Variants in MYO15A observed in about 807,000 individuals in gnomAD.
MYO15A encodes myosin XVA, also known as unconventional myosin-XV.
Under a neutral mutation model 394.6 loss-of-function variants are expected in MYO15A, and 308 were observed. That is an observed-to-expected ratio of 0.78 (90% CI 0.71 to 0.86). The LOEUF (loss-of-function observed/expected upper bound fraction) is 0.86. Among genes scored for constraint, MYO15A ranks in the 40% least tolerant of loss-of-function variants. MYO15A has a pLI of 0.00. For synonymous variants in MYO15A, 1,957 were observed against 2,003.8 expected, an observed-to-expected ratio of 0.98 and a Z score of 0.62; for missense variants, 4,606 against 4,799.1, an observed-to-expected ratio of 0.96 and a Z score of 1.19.
In MYO15A at chr17:18,149,482, C is replaced by G. The variant is rs572748657; in HGVS notation, c.7118-4C>G. 3.1e-6 allele frequency: 5 copies of G among 1,614,160 alleles called. No individual in the cohort carries two copies. The East Asian group carries it at 1.1e-4, about 36-fold the overall frequency. ...ACTTGACATTTTTGTGCCTTCCCCT[C>G]CAGAGTCAGACAGTCTTGGAGAGCC... is the stretch of plus-strand genomic sequence containing the variant. On this transcript the variant is annotated splice_polypyrimidine_tract_variant and splice_region_variant and intron_variant, in intron 34 of 65. Transcript: ENST00000647165.
chr17:18,136,604 G>A lies in MYO15A; in HGVS notation c.4697G>A (p.Trp1566Ter), dbSNP rs749653592. 6.2e-7 allele frequency: 1 copy of A among 1,613,976 alleles called. No homozygotes were observed. Among genetic ancestry groups the A allele is most frequent in the Admixed American group, 1.7e-5 (1 of 60,032 alleles). ...GTCTTGTATGCACTGCTGTTCAGCT[G>A]GCTCATCACCAGGGTCAACGCGCTG... ...AKVLYALLFSWLITRVNALVS... is the reference protein window; with the variant it reads ...AKVLYALLFS The change falls in exon 15 of 66, where the codon TGG (tryptophan) becomes TAG (stop). Residue 1566 changes from tryptophan (W) to a stop codon, truncating the protein, a stop_gained. Transcript: ENST00000647165. LOFTEE classifies it high-confidence loss of function.
In MYO15A at chr17:18,150,036, G is replaced by A. The variant is rs1391777532; in HGVS notation, c.7213-393G>A. The stretch of plus-strand genomic sequence containing the variant: ...CGGGGCCACTAAAATATCTCTATCT[G>A]GATGGAGTTGAATGACCTTGGTCCC... On this transcript the variant is annotated intron_variant, in intron 35 of 65. Coordinates refer to ENST00000647165, the MANE Select transcript of MYO15A (RefSeq NM_016239.4). This position sits in a 1 kb window ranked among gnomAD's most constrained non-coding sequence, Gnocchi z 4.4. 3.0e-6 allele frequency: 1 copy of A among 333,776 alleles called. No homozygotes were observed. The highest frequency in any genetic ancestry group is 2.1e-5 in the African/African-American group (1 of 47,168). The allele number at this position is 333,776 out of a possible 1,614,324, so 20.7% of individuals were successfully genotyped here.
intron 1 of MYO15A, among the ~76,000 whole-genome samples, chr17:18,118,220 C>T (rs2045818687): frequency 6.6e-6 from 1 of 152,200 alleles, no homozygotes. Flanking sequence ...ACCTGCTCTG[C>T]CCATTCCCCT....
In MYO15A at chr17:18,147,753, C is replaced by A. The variant is rs1294913080; in HGVS notation, c.6510-276C>A. ...CTGGCCTGAGATACTTCTGGACTAG[C>A]CTGGGACCCTTTCAGTTTAGCCGTG... On this transcript the variant is annotated intron_variant, in intron 30 of 65. Coordinates refer to ENST00000647165, the MANE Select transcript of MYO15A (RefSeq NM_016239.4). This position sits in a 1 kb window ranked among gnomAD's most constrained non-coding sequence, Gnocchi z 4.4. Among the ~76,000 whole-genome samples the A allele has an allele frequency of 6.6e-6, 1 of 152,136 alleles. No homozygotes were observed. Among genetic ancestry groups the A allele is most frequent in the Non-Finnish European group, 1.5e-5 (1 of 68,032 alleles).
At chr17:18,111,354 A>C (rs150597077) in intron 1 of MYO15A, among the ~76,000 whole-genome samples, 13 of 55,586 alleles carry the variant, frequency 2.3e-4, no homozygotes, top group African/African-American at 8.2e-4. Context: ...AAAAAAAAAA[A>C]AAAAAAAAAA....
In MYO15A at chr17:18,140,957, G is replaced by A. The variant is rs528887939; in HGVS notation, c.5407-62G>A. The A allele has an allele frequency of 5.2e-4, 834 of 1,612,844 alleles. 7 individuals are homozygous for A. In the African/African-American group the frequency reaches 9.5e-3, roughly 18 times the overall value. On this transcript the variant is annotated intron_variant, in intron 21 of 65. Transcript: ENST00000647165. ...GCCTAGCACTGGGAATATTCACCAT[G>A]ATAATGCCTTTTGCACATGGCTGAG...
In MYO15A at chr17:18,150,871, G is replaced by A. The variant is rs876657527; in HGVS notation, c.7431G>A (p.Gln2477=). The change falls in exon 38 of 66, where the codon CAG becomes CAA. Residue 2477 remains glutamine, a synonymous_variant. Coordinates refer to ENST00000647165, the MANE Select transcript of MYO15A (RefSeq NM_016239.4). This position sits in a 1 kb window ranked among gnomAD's most constrained non-coding sequence, Gnocchi z 4.4. ...TGACCCTGCAGGCCACGGCACTCCA[G>A]CAGCAGCCCCTGAGTGCTGCCCTGA... ...REMTLQATAL[Q]QQPLSAALRS... is the part of the protein sequence containing the mutation. 6.3e-7 allele frequency: 1 copy of A among 1,598,268 alleles called. No individual in the cohort carries two copies. The highest frequency in any genetic ancestry group is 1.1e-5 in the South Asian group (1 of 89,054).
chr17:18,125,090 C>T, intron 3 of MYO15A, 78 bp from the exon 4 acceptor site: 1 of 1,358,804 alleles, frequency 7.4e-7, no homozygotes, highest in Non-Finnish European at 1.1e-6. Context: ...GATCAAGGCA[C>T]TGCACTGAGT....
chr17:18,143,955 C>A lies in MYO15A; in HGVS notation c.6132C>A (p.Asp2044Glu). The A allele has an allele frequency of 6.2e-7, 1 of 1,613,008 alleles. No homozygotes were observed. ...QAEPRVTLPL[D>E]INNYPMAKFV... ...AGCCCCGTGTCACACTGCCCCTGGACATCAACAACTATCCTATGGCCAAGT... is the reference window on the plus strand; with the variant it reads ...AGCCCCGTGTCACACTGCCCCTGGAAATCAACAACTATCCTATGGCCAAGT... Residue 2044 changes from aspartate to glutamate, a missense_variant, in exon 28 of 66, where the codon GAC (aspartate) becomes GAA (glutamate). By Grantham distance (45) the Asp-to-Glu change is conservative. Transcript: ENST00000647165.
chr17:18,159,371 G>C (rs1166002426), intron 54 of MYO15A, 24 bp downstream of exon 54: 1 of 1,613,314 alleles, frequency 6.2e-7, no homozygotes, highest in East Asian at 2.2e-5. Flanking sequence ...ACTGCAGCCA[G>C]GGCTCTGGGC....
In MYO15A at chr17:18,157,323, G is replaced by A. The variant is rs117303966; in HGVS notation, c.8788+93G>A. ...GCACAGTGAGGGTTTCTTGGTGCCC[G>A]AAAGTGGCCTGGGCTGGTCAGGTCT... On this transcript the variant is annotated intron_variant, in intron 50 of 65. Coordinates refer to ENST00000647165, the MANE Select transcript of MYO15A (RefSeq NM_016239.4). The A allele has an allele frequency of 6.6e-4, 995 of 1,515,156 alleles. 14 individuals carry two copies. The East Asian group carries it at 0.023, about 36-fold the overall frequency. 93.9% of individuals were successfully genotyped at this position (1,515,156 alleles called of 1,614,324 possible). A position where few individuals can be genotyped will look rare whatever the true frequency, so the allele number is the denominator to read the frequency against.
intron 54 of MYO15A, 97 bp downstream of exon 54, chr17:18,159,444 T>C: frequency 1.3e-6 from 2 of 1,513,440 alleles, no homozygotes; most frequent in Non-Finnish European, 1.8e-6. Flanking sequence ...CTTCAGATTC[T>C]TTCCCTCCCG....
Position 18,162,663 on chromosome 17 carries a change from A to G in MYO15A, c.9596A>G (p.Glu3199Gly). Reference protein sequence around the residue: ...GGRLELPSSIELRAMLAGRSS... With the variant: ...GGRLELPSSIGLRAMLAGRSS... ...CGTCTGGAGCTCCCCAGCAGCATAGAGCTTCGGGCCATGTTGGTGAGCATA... is the reference window on the plus strand; with the variant it reads ...CGTCTGGAGCTCCCCAGCAGCATAGGGCTTCGGGCCATGTTGGTGAGCATA... The change falls in exon 58 of 66, where the codon GAG (glutamate) becomes GGG (glycine). Residue 3199 changes from glutamate (E) to glycine (G), a missense_variant. Glu to Gly is a moderately conservative substitution (Grantham distance 98). This residue lies in a region of MYO15A where 2,776 missense variants were observed against 3,109.3 expected (regional missense o/e 0.89). Coordinates refer to ENST00000647165, the MANE Select transcript of MYO15A (RefSeq NM_016239.4). 6.2e-7 allele frequency: 1 copy of G among 1,613,986 alleles called. No individual in the cohort carries two copies. The highest frequency in any genetic ancestry group is 1.6e-4 in the Middle Eastern group (1 of 6,062).
intron 51 of MYO15A, chr17:18,158,283 G>C: frequency 1.7e-6 from 1 of 594,240 alleles, no homozygotes; most frequent in Non-Finnish European, 3.0e-6. Context: ...AGTTGCGGAA[G>C]TCAACCCCGG....
chr17:18,124,051 T>G (rs2142270061), intron 2 of MYO15A: 2 of 245,526 alleles, frequency 8.1e-6, no homozygotes, highest in Non-Finnish European at 1.7e-5. Context: ...GAGCATGGGG[T>G]TGTGGTGCTA....
Position 18,159,874 on chromosome 17 carries a change from C to G in MYO15A, c.9304-61C>G, listed in dbSNP as rs769110797. 6 of 1,575,134 alleles carry G rather than the reference C, an allele frequency of 3.8e-6. No homozygotes were observed. In the African/African-American group the frequency reaches 8.1e-5, roughly 21 times the overall value. On this transcript the variant is annotated intron_variant, in intron 55 of 65. Transcript: ENST00000647165. ...CAGGTGCCCACCCTGTTCTTATGTACCTGGTATATGACATAGCCCCTCACA... is the reference window on the plus strand; with the variant it reads ...CAGGTGCCCACCCTGTTCTTATGTAGCTGGTATATGACATAGCCCCTCACA...
At chr17:18,160,615 G>A (rs2046760321) in intron 56 of MYO15A, 1 of 191,752 alleles carries the variant, frequency 5.2e-6, no homozygotes, top group Non-Finnish European at 1.1e-5. Context: ...AATCACTGTG[G>A]CCAGGGGCTG....
chr17:18,161,158 G>A (rs977414659), intron 56 of MYO15A, 159 bp from the exon 57 acceptor site: 1 of 1,147,382 alleles, frequency 8.7e-7, no homozygotes, highest in Non-Finnish European at 1.3e-6. Context: ...GACTTCCCAA[G>A]CAGAATATGC....
At chr17:18,122,574 C>A in intron 2 of MYO15A, 165 bp downstream of exon 2, 1 of 1,096,028 alleles carries the variant, frequency 9.1e-7, no homozygotes, top group East Asian at 2.6e-5. Context: ...CTCCCAGAAC[C>A]TCTGGAGGGT....
Sources: allele counts gnomAD v4.1 joint callset (sites outside exome capture counted in the v4.1 genomes callset), GRCh38; gene constraint gnomAD v4.1.1; regional missense constraint gnomAD v4.1.1; non-coding constraint Gnocchi (gnomAD v3.1); transcripts MANE v1.5; gene names NCBI Gene and HGNC (gene_info 2026-07-23, HGNC 2026-07-21).